The following CHST11 variants were observed in gnomAD, a reference collection of about 807,000 sequenced individuals.
The protein encoded by CHST11 is C4S-1.
In CHST11, 9 loss-of-function variants were observed where a neutral mutation model predicts 30.4. The ratio of observed to expected loss-of-function variants is 0.30; its 90% CI spans 0.18 to 0.52. The LOEUF is 0.52. CHST11 is among the 20% of genes least tolerant of loss of function. The pLI is 0.97. For synonymous variants in CHST11, 152 were observed against 187.8 expected (o/e 0.81, Z 1.56); for missense variants, 348 against 460.6 (o/e 0.76, Z 2.24).
chr12:104,635,087 TGCCCCC>T (rs770615358), intron 2 of CHST11, among the ~76,000 whole-genome samples: 1 of 76,198 alleles, frequency 1.3e-5, no homozygotes, highest in Non-Finnish European at 3.7e-5. Flanking sequence ...AGTCCTGTCC[TGCCCCC>T]GTACCCAGCT....
At chr12:104,467,533 T>G (rs2037470996) in intron 1 of CHST11, among the ~76,000 whole-genome samples, 1 of 152,208 alleles carries the variant, frequency 6.6e-6, no homozygotes, top group African/African-American at 2.4e-5. Flanking sequence ...TGGCTTTAGA[T>G]AAGCTGTATG....
At chr12:104,657,902 C>T (rs961042865) in intron 2 of CHST11, among the ~76,000 whole-genome samples, 2 of 152,118 alleles carry the variant, frequency 1.3e-5, no homozygotes, top group African/African-American at 4.8e-5. Context: ...CAGCCTGGAC[C>T]CGAATAAAGA....
At chr12:104,647,156 T>C (rs1056130339) in intron 2 of CHST11, among the ~76,000 whole-genome samples, 28 of 152,234 alleles carry the variant, frequency 1.8e-4, no homozygotes, top group Admixed American at 1.6e-3. Context: ...ATGCTGCAAG[T>C]GGAGGCTCCT....
intron 1 of CHST11, among the ~76,000 whole-genome samples, chr12:104,488,622 CATGT>C (rs2037711663): frequency 1.3e-5 from 1 of 79,700 alleles, no homozygotes; most frequent in African/African-American, 4.9e-5. Context: ...TGTATGTGTG[CATGT>C]ATGTGTGTGT....
At chr12:104,727,974 G>C (rs537248891) in intron 2 of CHST11, among the ~76,000 whole-genome samples, 1 of 148,474 alleles carries the variant, frequency 6.7e-6, no homozygotes, top group Non-Finnish European at 1.5e-5. Flanking sequence ...CGTGGATCCA[G>C]GCACAGCTGT....
In CHST11 at chr12:104,757,989, G is replaced by A; in HGVS notation, c.*186G>A. On this transcript the variant is annotated 3_prime_UTR_variant, in exon 3 of 3. Coordinates refer to ENST00000303694, the MANE Select transcript of CHST11 (RefSeq NM_018413.6). This position sits in a 1 kb window ranked among gnomAD's most constrained non-coding sequence, Gnocchi z 6.5. ...ACAGCTGTCTTTGCAGGGGAAATAG[G>A]ATGGGTCGTCCTTGTCTGTAGAAGT... is the stretch of plus-strand genomic sequence containing the variant. 3.1e-6 allele frequency: 2 copies of A among 654,646 alleles called. No individual in the cohort carries two copies. Among genetic ancestry groups the A allele is most frequent in the Admixed American group, 3.1e-5 (1 of 32,422 alleles). 40.6% of individuals were successfully genotyped at this position (654,646 alleles called of 1,614,324 possible).
chr12:104,513,124 G>GGGGT (rs1555229082), intron 1 of CHST11, among the ~76,000 whole-genome samples: 1 of 38,764 alleles, frequency 2.6e-5, no homozygotes, highest in Non-Finnish European at 5.1e-5. Flanking sequence ...TGTCATGACT[G>GGGGT]GGGGGGGGGG....
chr12:104,547,901 G>A (rs577765137), intron 1 of CHST11, among the ~76,000 whole-genome samples: 2 of 152,298 alleles, frequency 1.3e-5, no homozygotes, highest in African/African-American at 4.8e-5. Context: ...CAGAAGTGTG[G>A]CAGCTCTCTT....
At position 104,606,025 on chromosome 12, in the gene CHST11, C is replaced by G. The variant is rs150646881; in HGVS notation, c.204+4034C>G. Reference sequence around the variant, plus strand: ...TTACTATGTTGCAAGGGGAGAGACTCACAGCACAGGGCTGTCCGTGAATTT... The same window carrying G: ...TTACTATGTTGCAAGGGGAGAGACTGACAGCACAGGGCTGTCCGTGAATTT... On this transcript the variant is annotated intron_variant, in intron 2 of 2. Coordinates refer to ENST00000303694, the MANE Select transcript of CHST11 (RefSeq NM_018413.6). 1.3e-3 allele frequency among the ~76,000 whole-genome samples: 196 copies of G among 152,120 alleles called. 2 individuals are homozygous for G. Among genetic ancestry groups the G allele is most frequent in the Admixed American group, 0.011 (175 of 15,290 alleles).
chr12:104,751,022 C>G (rs2040427877), intron 2 of CHST11, among the ~76,000 whole-genome samples: 1 of 152,134 alleles, frequency 6.6e-6, no homozygotes, highest in Admixed American at 6.5e-5. Context: ...CCATTTGCCC[C>G]TTAAACTGCT....
At chr12:104,501,061 C>T (rs995588637) in intron 1 of CHST11, among the ~76,000 whole-genome samples, 9 of 152,134 alleles carry the variant, frequency 5.9e-5, no homozygotes, top group African/African-American at 1.7e-4. Context: ...ATTATGCCTT[C>T]GGAGTCCTTC....
At chr12:104,559,145 C>T (rs2038488968) in intron 1 of CHST11, among the ~76,000 whole-genome samples, 1 of 151,938 alleles carries the variant, frequency 6.6e-6, no homozygotes, top group Non-Finnish European at 1.5e-5. Context: ...TCCAGAACAC[C>T]ATGGGACTCT....
chr12:104,606,178 G>GA (rs986843547), intron 2 of CHST11, among the ~76,000 whole-genome samples: 1 of 134,170 alleles, frequency 7.5e-6, no homozygotes, highest in Non-Finnish European at 1.6e-5. Context: ...CGGGGGGCGG[G>GA]GGGGGGAATG....
intron 1 of CHST11, among the ~76,000 whole-genome samples, chr12:104,584,923 A>G (rs2038787153): frequency 6.6e-6 from 1 of 152,262 alleles, no homozygotes; most frequent in African/African-American, 2.4e-5. Flanking sequence ...TGTAAACATC[A>G]TCATGGCTCC....
intron 2 of CHST11, among the ~76,000 whole-genome samples, chr12:104,748,000 G>A (rs564847458): frequency 7.2e-5 from 11 of 152,328 alleles, no homozygotes; most frequent in African/African-American, 2.4e-4. Flanking sequence ...AATTATGGTT[G>A]CCTTTTATAA....
chr12:104,579,015 T>C (rs2038712235), intron 1 of CHST11, among the ~76,000 whole-genome samples: 1 of 152,248 alleles, frequency 6.6e-6, no homozygotes, highest in Non-Finnish European at 1.5e-5. Flanking sequence ...AACTTGATGC[T>C]GTCTTTGACC....
At chr12:104,468,893 A>G (rs1199879152) in intron 1 of CHST11, among the ~76,000 whole-genome samples, 4 of 152,192 alleles carry the variant, frequency 2.6e-5, no homozygotes, top group Non-Finnish European at 5.9e-5. Flanking sequence ...GTGAAAATGC[A>G]TTGGGAATGG....
intron 2 of CHST11, among the ~76,000 whole-genome samples, chr12:104,683,733 T>A (rs1274689965): frequency 6.6e-6 from 1 of 152,224 alleles, no homozygotes; most frequent in African/African-American, 2.4e-5. Context: ...TATCAATTGT[T>A]ACATCCCTTG....
At chr12:104,549,058 A>T (rs551057460) in intron 1 of CHST11, among the ~76,000 whole-genome samples, 11 of 152,322 alleles carry the variant, frequency 7.2e-5, no homozygotes, top group African/African-American at 2.2e-4. Context: ...ACGGTGATAA[A>T]TGAGGTGGGG....
Sources: gnomAD v4.1 joint callset for allele counts (sites outside exome capture counted in the v4.1 genomes callset) on GRCh38, gnomAD v4.1.1 for gene constraint, Gnocchi (gnomAD v3.1) non-coding constraint, MANE v1.5 for transcripts, NCBI Gene and HGNC (gene_info 2026-07-23, HGNC 2026-07-21) for gene names.